SLC35D2: variants seen among roughly 807,000 people sequenced by gnomAD.
The protein encoded by SLC35D2 is solute carrier family 35 member D2, also known as nucleotide sugar transporter SLC35D2.
Under a neutral mutation model 41.8 loss-of-function variants are expected in SLC35D2, and 43 were observed. The ratio of observed to expected loss-of-function variants is 1.03; its 90% CI spans 0.81 to 1.33. SLC35D2 has a LOEUF of 1.33. SLC35D2 is among the 40% of genes most tolerant of loss of function. The probability of loss-of-function intolerance (pLI) is 0.00; values close to 1 mark genes in which losing one functional copy is unlikely to be tolerated. For missense variants in SLC35D2, 380 were observed against 408.4 expected, an observed-to-expected ratio of 0.93 and a Z score of 0.60; for synonymous variants, 150 against 163.9, an observed-to-expected ratio of 0.92 and a Z score of 0.65.
intron 4 of SLC35D2, among the ~76,000 whole-genome samples, chr9:96,358,071 TTATATATTTTATATATATATATATA>T (rs1830102192): frequency 8.3e-6 from 1 of 120,854 alleles, no homozygotes; most frequent in African/African-American, 3.2e-5. Context: ...AAACAAAATA[TTATATATTTTATATATATATATATA>T]TATATATATA....
At chr9:96,326,761 G>C (rs1031324354) in intron 9 of SLC35D2, among the ~76,000 whole-genome samples, 1 of 146,176 alleles carries the variant, frequency 6.8e-6, no homozygotes, top group Non-Finnish European at 1.5e-5. Context: ...AGCCGGGATC[G>C]CACCACTGCA....
At chr9:96,372,365 T>C (rs1830735716) in intron 1 of SLC35D2, among the ~76,000 whole-genome samples, 1 of 152,054 alleles carries the variant, frequency 6.6e-6, no homozygotes, top group Admixed American at 6.6e-5. Context: ...CTTTTCTACA[T>C]TAAAAGAAAC....
intron 2 of SLC35D2, among the ~76,000 whole-genome samples, 164 bp from the exon 3 acceptor site, chr9:96,364,714 GT>G (rs1830409522): frequency 6.6e-6 from 1 of 151,958 alleles, no homozygotes; most frequent in African/African-American, 2.4e-5. Context: ...TATTAACATT[GT>G]TTTCCTTGCC....
chr9:96,345,032 T>G (rs1300096085), intron 7 of SLC35D2, among the ~76,000 whole-genome samples: 2 of 152,106 alleles, frequency 1.3e-5, no homozygotes, highest in Non-Finnish European at 2.9e-5. Flanking sequence ...ATGATGCTGG[T>G]AAAAAAATTA....
At chr9:96,351,045 T>G (rs1308653319) in intron 6 of SLC35D2, 58 bp downstream of exon 6, 1 of 1,249,284 alleles carries the variant, frequency 8.0e-7, no homozygotes, top group Non-Finnish European at 1.2e-6. Flanking sequence ...AGGATGGGGC[T>G]GGGCCTATTG....
In SLC35D2 at chr9:96,324,110, G is replaced by A. The variant is rs1828393704; in HGVS notation, c.812C>T (p.Ala271Val). 1 of 1,613,740 alleles carries A rather than the reference G, an allele frequency of 6.2e-7. No homozygotes were observed. Among genetic ancestry groups the A allele is most frequent in the Non-Finnish European group, 8.5e-7 (1 of 1,179,874 alleles). ...CSYYNSALTT[A>V]VVGAIKNVSV... ...ACTCACCTTGATGGCTCCAACCACT[G>A]CTGTCGTCAGGGCTGAATTGTAATA... is the stretch of plus-strand genomic sequence containing the variant. Residue 271 changes from alanine (A) to valine (V), a missense_variant, in exon 10 of 12, where the codon GCA becomes GTA. By Grantham distance (64) the Ala-to-Val change is moderately conservative (BLOSUM62 0). Transcript: ENST00000253270.
At chr9:96,326,023 G>A (rs1828511276) in intron 9 of SLC35D2, among the ~76,000 whole-genome samples, 1 of 152,220 alleles carries the variant, frequency 6.6e-6, no homozygotes. Context: ...AATACTGTGT[G>A]CATTGTAATT....
intron 4 of SLC35D2, among the ~76,000 whole-genome samples, chr9:96,357,951 A>T (rs567878121): frequency 6.6e-6 from 1 of 151,960 alleles, no homozygotes; most frequent in African/African-American, 2.4e-5. Flanking sequence ...AGACAGGAGA[A>T]TCGCTTGAGC....
chr9:96,327,078 C>A (rs1271149004), intron 9 of SLC35D2, among the ~76,000 whole-genome samples: 2 of 152,176 alleles, frequency 1.3e-5, no homozygotes, highest in Non-Finnish European at 2.9e-5. Context: ...CAGGGCCCAG[C>A]CCAACGCAGG....
At chr9:96,330,410 C>T (rs1236624754) in intron 9 of SLC35D2, among the ~76,000 whole-genome samples, 1 of 152,132 alleles carries the variant, frequency 6.6e-6, no homozygotes, top group Non-Finnish European at 1.5e-5. Context: ...CACAATTCCC[C>T]CTGCTTGTCA....
At chr9:96,349,075 C>A (rs1160071427) in intron 6 of SLC35D2, among the ~76,000 whole-genome samples, 1 of 152,118 alleles carries the variant, frequency 6.6e-6, no homozygotes, top group Non-Finnish European at 1.5e-5. Context: ...GGTACCCTGG[C>A]ATACAGATTA....
chr9:96,318,957 C>T (rs1209023397), downstream of SLC35D2, among the ~76,000 whole-genome samples: 1 of 152,150 alleles, frequency 6.6e-6, no homozygotes, highest in East Asian at 1.9e-4. Context: ...AACAGCATAG[C>T]AGGTCCTCAA....
intron 9 of SLC35D2, among the ~76,000 whole-genome samples, chr9:96,333,588 C>T (rs1828911988): frequency 7.1e-6 from 1 of 141,342 alleles, no homozygotes. Flanking sequence ...GAGGGAGACT[C>T]CGTCTCAAAA....
Position 96,359,850 on chromosome 9 carries a change from C to T in SLC35D2, c.347+304G>A, listed in dbSNP as rs76748896. ...AAAACTGAGATGAAACCAAAAGTCA[C>T]ACAAAATCATATTCACACCAACAAT... On this transcript the variant is annotated intron_variant, in intron 4 of 11. Coordinates refer to ENST00000253270, the MANE Select transcript of SLC35D2 (RefSeq NM_007001.3). 6.1e-3 allele frequency among the ~76,000 whole-genome samples: 928 copies of T among 152,278 alleles called. 11 individuals are homozygous for T. Among genetic ancestry groups the T allele is most frequent in the Middle Eastern group, 0.014 (4 of 294 alleles).
At position 96,321,245 on chromosome 9, in the gene SLC35D2, G is replaced by C; in HGVS notation, c.1011C>G (p.Ser337Arg). 6.2e-7 allele frequency: 1 copy of C among 1,611,148 alleles called. No homozygotes were observed. Residue 337 changes from serine to arginine, a missense_variant, in exon 12 of 12, where the codon AGC (serine) becomes AGG (arginine). Transcript: ENST00000253270. ...GEENICLDLK[S>R] ...CTCCAATCCTGCTGCAGACTCTTTA[G>C]CTCTTCAAATCCAAACAGATGTTTT...
intron 4 of SLC35D2, among the ~76,000 whole-genome samples, chr9:96,359,285 G>C (rs1205975193): frequency 1.3e-5 from 2 of 150,286 alleles, no homozygotes; most frequent in Non-Finnish European, 2.9e-5. Flanking sequence ...TCTAGCCTGG[G>C]CGACAGAGCG....
intron 9 of SLC35D2, among the ~76,000 whole-genome samples, chr9:96,325,274 A>T (rs1045386461): frequency 6.6e-6 from 1 of 152,174 alleles, no homozygotes; most frequent in South Asian, 2.1e-4. Context: ...CTGCAACCTC[A>T]CCTAAGCTGC....
intron 9 of SLC35D2, among the ~76,000 whole-genome samples, chr9:96,330,133 A>T (rs1828740590): frequency 6.6e-6 from 1 of 152,260 alleles, no homozygotes; most frequent in Non-Finnish European, 1.5e-5. Context: ...AGGAGTTCTG[A>T]TGTCCAAGGC....
intron 8 of SLC35D2, among the ~76,000 whole-genome samples, chr9:96,341,938 G>GAA (rs139521338): frequency 1.2e-4 from 17 of 136,994 alleles, no homozygotes; most frequent in Middle Eastern, 7.2e-3. Flanking sequence ...TATATTTTTG[G>GAA]AAAAAAAAAA....
Sources: gnomAD v4.1 joint callset for allele counts (sites outside exome capture counted in the v4.1 genomes callset) on GRCh38, gnomAD v4.1.1 for gene constraint, MANE v1.5 for transcripts, NCBI Gene and HGNC (gene_info 2026-07-23, HGNC 2026-07-21) for gene names.